MID1: variants seen among roughly 807,000 people sequenced by gnomAD.
The protein encoded by MID1 is midline 1, also known as E3 ubiquitin-protein ligase Midline-1.
In MID1, 7 loss-of-function variants were observed where a neutral mutation model predicts 40.4. That is an observed-to-expected ratio of 0.17 (90% CI 0.10 to 0.33). MID1 has a LOEUF of 0.33. MID1 is among the 10% of genes least tolerant of loss of function. The pLI, the probability that MID1 is intolerant of heterozygous loss-of-function variation, is 1.00. For missense variants in MID1, 367 were observed against 558.5 expected (o/e 0.66, Z 3.46); for synonymous variants, 229 against 221.2 (o/e 1.04, Z -0.31).
chrX:10,684,616 T>A (rs140140114), intron 1 of MID1, among the ~76,000 whole-genome samples: 17,004 of 107,781 alleles, frequency 0.16, 2,352 homozygotes, highest in African/African-American at 0.44. Context: ...TCACCATGTT[T>A]ACCAGGATGG....
intron 4 of MID1, among the ~76,000 whole-genome samples, chrX:10,490,403 G>A (rs1233234188): frequency 9.0e-6 from 1 of 111,697 alleles, no homozygotes; most frequent in Non-Finnish European, 1.9e-5. Flanking sequence ...TATGTCAGAT[G>A]TTTCAGTCTT....
intron 1 of MID1, among the ~76,000 whole-genome samples, chrX:10,703,597 G>A (rs1330140237): frequency 9.0e-6 from 1 of 111,700 alleles, no homozygotes; most frequent in Non-Finnish European, 1.9e-5. Flanking sequence ...AACCCGGGAG[G>A]TGGAGGTTGC....
chrX:10,458,448 C>T (rs1928817915), intron 8 of MID1, among the ~76,000 whole-genome samples: 1 of 111,213 alleles, frequency 9.0e-6, no homozygotes, highest in Admixed American at 9.6e-5. Flanking sequence ...TGAATAAAGT[C>T]TGGAGTTTAG....
chrX:10,817,740 C>T (rs1013568637), intron 1 of MID1, among the ~76,000 whole-genome samples: 2 of 107,533 alleles, frequency 1.9e-5, no homozygotes, highest in Non-Finnish European at 3.8e-5. Context: ...GTGCTTCAGC[C>T]GCCTGAGTAG....
intron 1 of MID1, among the ~76,000 whole-genome samples, chrX:10,675,000 C>A (rs938692413): frequency 4.1e-4 from 46 of 112,019 alleles, no homozygotes; most frequent in Middle Eastern, 4.7e-3. Flanking sequence ...GTAGTTGAAA[C>A]CTATATTTTA....
intron 4 of MID1, among the ~76,000 whole-genome samples, chrX:10,493,889 C>A (rs186386401): frequency 1.7e-3 from 196 of 112,413 alleles, no homozygotes; most frequent in African/African-American, 6.1e-3. Context: ...GTAAAGATAG[C>A]AAATTACCTT....
intron 1 of MID1, among the ~76,000 whole-genome samples, chrX:10,726,783 G>A (rs2043394571): frequency 1.8e-5 from 2 of 112,483 alleles, no homozygotes; most frequent in African/African-American, 3.2e-5. Flanking sequence ...CTGGCAACTC[G>A]CTGACCCACA....
chrX:10,764,538 T>C (rs2043706579), intron 1 of MID1, among the ~76,000 whole-genome samples: 1 of 112,250 alleles, frequency 8.9e-6, no homozygotes, highest in Non-Finnish European at 1.9e-5. Context: ...TAAATATCTC[T>C]TGGGTTTATC....
chrX:10,540,206 A>G (rs192190359), intron 2 of MID1, among the ~76,000 whole-genome samples: 1 of 111,871 alleles, frequency 8.9e-6, no homozygotes, highest in East Asian at 2.8e-4. Flanking sequence ...ATCTCAAAAA[A>G]GAAAAAGAAA....
At chrX:10,602,540 T>C (rs761660327) in intron 1 of MID1, among the ~76,000 whole-genome samples, 2 of 111,487 alleles carry the variant, frequency 1.8e-5, no homozygotes, top group Non-Finnish European at 3.8e-5. Context: ...TTGCCTCTTC[T>C]GGACATTTAA....
At chrX:10,739,599 T>C (rs2043508749) in intron 1 of MID1, among the ~76,000 whole-genome samples, 1 of 112,019 alleles carries the variant, frequency 8.9e-6, no homozygotes, top group African/African-American at 3.2e-5. Context: ...ATCAGGGAAC[T>C]ATCTGGGCTT....
chrX:10,543,884 T>C (rs978763387), intron 2 of MID1, among the ~76,000 whole-genome samples: 3 of 109,684 alleles, frequency 2.7e-5, no homozygotes, highest in Non-Finnish European at 3.8e-5. Flanking sequence ...CATGCACCTG[T>C]AATCCCAGCT....
rs1460631182 is a variant in MID1, at chrX:10,665,955, T to A, written c.-186-45536A>T. Among the ~76,000 whole-genome samples the A allele has an allele frequency of 7.3e-5, 8 of 109,015 alleles. No individual in the cohort carries two copies. The Admixed American group carries it at 8.0e-4, about 11-fold the overall frequency. The allele number at this position is 109,015 out of a possible 115,157, so 94.7% of individuals were successfully genotyped here. ...GTCAGTACAAAGCCAAAAAGGAAAA[T>A]TGTTTGGGATGTTTCTCTTATTCCA... On this transcript the variant is annotated intron_variant, in intron 1 of 10. Coordinates refer to the MID1 transcript ENST00000380785.
At chrX:10,501,405 A>G in intron 3 of MID1, 1 of 1,154,211 alleles carries the variant, frequency 8.7e-7, no homozygotes. Context: ...CTCAGCACAT[A>G]CCTTCTCTAC....
At chrX:10,678,779 G>T (rs953925570) in intron 1 of MID1, among the ~76,000 whole-genome samples, 1 of 112,045 alleles carries the variant, frequency 8.9e-6, no homozygotes, top group Admixed American at 9.5e-5. Context: ...GCATGGAAAG[G>T]TGTTCTTTCT....
chrX:10,795,035 G>T (rs2043958650), intron 1 of MID1, among the ~76,000 whole-genome samples: 1 of 111,448 alleles, frequency 9.0e-6, no homozygotes, highest in Non-Finnish European at 1.9e-5. Context: ...TCTCATATTG[G>T]ATCAGATAAT....
At chrX:10,669,849 C>T (rs925333356) in intron 1 of MID1, among the ~76,000 whole-genome samples, 4 of 112,151 alleles carry the variant, frequency 3.6e-5, no homozygotes, top group African/African-American at 1.3e-4. Flanking sequence ...TTGATTTTAG[C>T]ATAGAGATAA....
At chrX:10,484,517 A>G (rs1463675257) in intron 4 of MID1, among the ~76,000 whole-genome samples, 1 of 112,361 alleles carries the variant, frequency 8.9e-6, no homozygotes, top group East Asian at 2.8e-4. Flanking sequence ...TGCAAAAATT[A>G]AAGCAAGACA....
chrX:10,673,793 C>T lies in MID1; in HGVS notation c.-186-53374G>A, dbSNP rs1051151219. 5.4e-5 allele frequency among the ~76,000 whole-genome samples: 6 copies of T among 111,280 alleles called. No individual in the cohort carries two copies. In the Admixed American group the frequency reaches 5.8e-4, roughly 11 times the overall value. ...TGTGGCATGAATTTATTCTTAAATT[C>T]TCTGGTCCTTCATTCCATCATCTTT... On this transcript the variant is annotated intron_variant, in intron 1 of 10. Transcript: ENST00000380785.
Sources: allele counts gnomAD v4.1 joint callset (sites outside exome capture counted in the v4.1 genomes callset), GRCh38; gene constraint gnomAD v4.1.1; transcripts MANE v1.5; gene names NCBI Gene and HGNC (gene_info 2026-07-23, HGNC 2026-07-21).